WDR62: variants seen among roughly 807,000 people sequenced by gnomAD.
The protein encoded by WDR62 is WD repeat domain 62, also known as WD repeat-containing protein 62.
A neutral mutation model predicts 160.6 loss-of-function variants in WDR62; 112 were observed. The observed-to-expected ratio is 0.70, with a 90% confidence interval of 0.60 to 0.82. WDR62 has a LOEUF of 0.82. Among genes scored for constraint, WDR62 ranks in the 40% least tolerant of loss-of-function variants. The pLI, the probability that WDR62 is intolerant of heterozygous loss-of-function variation, is 0.00. For missense variants in WDR62, 1,819 were observed against 1,983.8 expected, an observed-to-expected ratio of 0.92 and a Z score of 1.58; for synonymous variants, 792 against 815.1, an observed-to-expected ratio of 0.97 and a Z score of 0.48.
downstream of WDR62, among the ~76,000 whole-genome samples, chr19:36,106,164 C>T (rs1231331647): frequency 1.3e-5 from 2 of 152,180 alleles, no homozygotes; most frequent in Non-Finnish European, 2.9e-5. Context: ...CTACCAGCTC[C>T]CCCAGACAGC....
chr19:36,055,453 A>G (rs936350711), intron 1 of WDR62, among the ~76,000 whole-genome samples: 9 of 152,114 alleles, frequency 5.9e-5, no homozygotes, highest in African/African-American at 2.2e-4. Context: ...CCCCCGTTCT[A>G]TCGCCTTTAG....
intron 13 of WDR62, among the ~76,000 whole-genome samples, chr19:36,087,133 G>A (rs536542188): frequency 3.1e-4 from 47 of 151,972 alleles, no homozygotes; most frequent in African/African-American, 1.0e-3. Flanking sequence ...TCAGGAGGCC[G>A]AGGTGGGAGA....
Position 36,085,414 on chromosome 19 carries a change from C to CTTTTTTTTTTTTTTTTTT in WDR62, c.1642+676_1642+693dup, listed in dbSNP as rs35753706. ...TAGGGCATGAGCCACCACACCTGACCTTTTTTTTTTTTTTTTTTTTTTTGA... is the reference window on the plus strand; with the variant it reads ...TAGGGCATGAGCCACCACACCTGACCTTTTTTTTTTTTTTTTTTTTTTTTTTTTTTTTTTTTTTTTTGA... On this transcript the variant is annotated intron_variant, in intron 12 of 31. Transcript: ENST00000401500. 2.0e-3 allele frequency among the ~76,000 whole-genome samples: 142 copies of CTTTTTTTTTTTTTTTTTT among 70,382 alleles called. 17 individuals are homozygous for CTTTTTTTTTTTTTTTTTT. The highest frequency in any genetic ancestry group is 5.2e-3 in the African/African-American group (112 of 21,456). 46.2% of individuals were successfully genotyped at this position (70,382 alleles called of 152,430 possible).
chr19:36,069,967 C>T (rs1325666089), intron 7 of WDR62, among the ~76,000 whole-genome samples: 2 of 140,368 alleles, frequency 1.4e-5, no homozygotes, highest in African/African-American at 5.2e-5. Flanking sequence ...AGCTTTGGCT[C>T]GGCATCAGAG....
rs950606032 is a variant in WDR62 at position 36,067,463 on chromosome 19, C to A, written c.699+20C>A. 1.2e-6 allele frequency: 2 copies of A among 1,614,026 alleles called. No individual in the cohort carries two copies. Among genetic ancestry groups the A allele is most frequent in the African/African-American group, 2.7e-5 (2 of 75,050 alleles). ...ACAAAGGTGAGTTTCTGTCCCTGCCCCTTTAGCCAGGCCCTGAGGGAGTCA... is the reference window on the plus strand; with the variant it reads ...ACAAAGGTGAGTTTCTGTCCCTGCCACTTTAGCCAGGCCCTGAGGGAGTCA... On this transcript the variant is annotated intron_variant, in intron 6 of 31. Coordinates refer to ENST00000401500, the MANE Select transcript of WDR62 (RefSeq NM_001083961.2).
intron 26 of WDR62, 187 bp from the exon 27 acceptor site, chr19:36,102,550 C>T (rs956544227): frequency 5.0e-5 from 31 of 623,004 alleles, no homozygotes; most frequent in Non-Finnish European, 7.0e-5. Flanking sequence ...CGTGAGCCAC[C>T]GTGCCCGGCC....
chr19:36,062,626 G>A (rs900582550), intron 3 of WDR62: 20 of 128,306 alleles, frequency 1.6e-4, no homozygotes, highest in Admixed American at 7.3e-4. Context: ...CTCCAGCCTG[G>A]GTGACAGAGC....
chr19:36,076,797 G>T (rs1040863907), intron 9 of WDR62, among the ~76,000 whole-genome samples: 2 of 152,060 alleles, frequency 1.3e-5, no homozygotes, highest in African/African-American at 4.8e-5. Context: ...CAATTCTGAA[G>T]ATAGTTAAAA....
chr19:36,105,703 T>C (rs1372896885), downstream of WDR62, among the ~76,000 whole-genome samples: 1 of 152,020 alleles, frequency 6.6e-6, no homozygotes, highest in Non-Finnish European at 1.5e-5. Flanking sequence ...ATTTATTTAT[T>C]TATTTTTGTT....
chr19:36,111,056 C>A, the WDR62 span: 1 of 770,304 alleles, frequency 1.3e-6, no homozygotes, highest in Non-Finnish European at 2.0e-6. Context: ...GCTTAGTCCA[C>A]TCCCAGGGCC....
In WDR62 at chr19:36,104,778, G is replaced by A. The variant is rs747574859; in HGVS notation, c.4322G>A (p.Ser1441Asn). The A allele has an allele frequency of 6.2e-7, 1 of 1,613,734 alleles. No individual in the cohort carries two copies. Among genetic ancestry groups the A allele is most frequent in the Non-Finnish European group, 8.5e-7 (1 of 1,180,026 alleles). ...ALDLYRVLVS[S>N]GQVDTGQQQA... Reference sequence around the variant, plus strand: ...TGGCATCCCTTGCAGTTGGTCTCCAGTGGCCAGGTGGACACCGGGCAGCAG... The same window carrying A: ...TGGCATCCCTTGCAGTTGGTCTCCAATGGCCAGGTGGACACCGGGCAGCAG... The change falls in exon 32 of 32, where the codon AGT becomes AAT. Residue 1441 changes from serine to asparagine, a missense_variant. Transcript: ENST00000401500.
chr19:36,109,137 G>A (rs1327551791), downstream of WDR62, among the ~76,000 whole-genome samples: 2 of 152,066 alleles, frequency 1.3e-5, no homozygotes, highest in African/African-American at 4.8e-5. Context: ...CTGACTCTCG[G>A]GCAATGTAAA....
Position 36,103,351 on chromosome 19 carries a change from CT to C in WDR62, c.3525del (p.Thr1176ArgfsTer122). 3.1e-6 allele frequency: 5 copies of C among 1,614,056 alleles called. No individual in the cohort carries two copies. The highest frequency in any genetic ancestry group is 4.2e-6 in the Non-Finnish European group (5 of 1,180,032). On this transcript the variant is annotated frameshift_variant, in exon 30 of 32. Transcript: ENST00000401500. LOFTEE classifies it high-confidence loss of function. ...LEAWRPPPPC[L>X]TSLASCVPAS... Reference sequence around the variant, plus strand: ...ATCTGCTTCCGTTACAGCTCCCTGCCTTACGAGCCTGGCGTCCTGTGTCCCT... The same window carrying C: ...ATCTGCTTCCGTTACAGCTCCCTGCCTACGAGCCTGGCGTCCTGTGTCCCT...
intron 22 of WDR62, 147 bp from the exon 23 acceptor site, chr19:36,100,601 A>T: frequency 8.2e-7 from 1 of 1,226,114 alleles, no homozygotes; most frequent in Non-Finnish European, 1.2e-6. Context: ...GCAGGGGCAG[A>T]CCAGGACAAG....
chr19:36,065,562 C>T (rs1970890571), intron 3 of WDR62, among the ~76,000 whole-genome samples: 1 of 152,198 alleles, frequency 6.6e-6, no homozygotes, highest in Non-Finnish European at 1.5e-5. Context: ...TGATGTGATG[C>T]CTGCCAGGAT....
At chr19:36,101,350 G>A in intron 24 of WDR62, 33 bp downstream of exon 24, 1 of 1,568,644 alleles carries the variant, frequency 6.4e-7, no homozygotes. Context: ...CCCTGTGACA[G>A]TCTGTGCGTT....
intron 22 of WDR62, 128 bp from the exon 23 acceptor site, chr19:36,100,620 G>C: frequency 7.1e-7 from 1 of 1,402,532 alleles, no homozygotes; most frequent in Non-Finnish European, 9.9e-7. Context: ...AGCTGGTTGC[G>C]AGTGGAGGGC....
At chr19:36,058,084 G>T (rs1177285045) in intron 1 of WDR62, among the ~76,000 whole-genome samples, 1 of 152,184 alleles carries the variant, frequency 6.6e-6, no homozygotes, top group Non-Finnish European at 1.5e-5. Flanking sequence ...GGGCACAGTG[G>T]CTCATGCCTG....
At position 36,088,955 on chromosome 19, in the gene WDR62, G is replaced by C; in HGVS notation, c.1769-83G>C. 2.0e-6 allele frequency: 3 copies of C among 1,474,036 alleles called. No individual in the cohort carries two copies. The South Asian group carries it at 3.5e-5, about 17-fold the overall frequency. The allele number at this position is 1,474,036 out of a possible 1,614,324, so 91.3% of individuals were successfully genotyped here. ...TTGATCCCAGCACAGTTGATTGATG[G>C]CTCTTGCAGTGGAGTTCCCCAGCTA... On this transcript the variant is annotated intron_variant, in intron 13 of 31. Coordinates refer to ENST00000401500, the MANE Select transcript of WDR62 (RefSeq NM_001083961.2).
Sources: allele counts gnomAD v4.1 joint callset (sites outside exome capture counted in the v4.1 genomes callset), GRCh38; gene constraint gnomAD v4.1.1; transcripts MANE v1.5; gene names NCBI Gene and HGNC (gene_info 2026-07-23, HGNC 2026-07-21).